Variants in ZPBP observed in about 807,000 individuals in gnomAD.
ZPBP encodes zona pellucida-binding protein 1.
A neutral mutation model predicts 44.8 loss-of-function variants in ZPBP; 26 were observed. The ratio of observed to expected loss-of-function variants is 0.58; its 90% confidence interval spans 0.43 to 0.81. ZPBP has a LOEUF of 0.81. Among genes scored for constraint, ZPBP ranks in the 30% least tolerant of loss-of-function variants. The probability of loss-of-function intolerance (pLI) is 0.00; values close to 1 mark genes in which losing one functional copy is unlikely to be tolerated. For missense variants in ZPBP, 409 were observed against 434.0 expected, an observed-to-expected ratio of 0.94 and a Z score of 0.51; for synonymous variants, 174 against 153.2, an observed-to-expected ratio of 1.14 and a Z score of -1.00.
intron 6 of ZPBP, among the ~76,000 whole-genome samples, chr7:50,009,851 C>G (rs182098124): frequency 1.3e-5 from 2 of 149,164 alleles, no homozygotes; most frequent in African/African-American, 2.4e-5. Context: ...TAATAATGAA[C>G]ATTTGAAAAC....
intron 6 of ZPBP, among the ~76,000 whole-genome samples, chr7:50,003,768 T>C (rs1336684622): frequency 2.6e-5 from 4 of 152,026 alleles, no homozygotes; most frequent in Non-Finnish European, 5.9e-5. Flanking sequence ...AAAGTGGCTA[T>C]TTGTTAAACA....
At chr7:50,006,424 A>G (rs1266075199) in intron 6 of ZPBP, among the ~76,000 whole-genome samples, 1 of 152,112 alleles carries the variant, frequency 6.6e-6, no homozygotes, top group Non-Finnish European at 1.5e-5. Flanking sequence ...AATCTTTTCC[A>G]ATCAATTTTC....
At chr7:49,978,826 G>C (rs908648187) in intron 7 of ZPBP, among the ~76,000 whole-genome samples, 2 of 151,810 alleles carry the variant, frequency 1.3e-5, no homozygotes. Flanking sequence ...TTTTTGAGTA[G>C]TTATATGCTT....
intron 6 of ZPBP, among the ~76,000 whole-genome samples, chr7:49,990,038 A>AAC (rs1423012198): frequency 6.6e-6 from 1 of 152,170 alleles, no homozygotes; most frequent in East Asian, 1.9e-4. Flanking sequence ...GTCCCCCCAA[A>AAC]ACACATTTTT....
intron 6 of ZPBP, 89 bp downstream of exon 6, chr7:50,018,151 G>A (rs1171380665): frequency 9.5e-6 from 9 of 945,430 alleles, no homozygotes; most frequent in East Asian, 4.8e-5. Flanking sequence ...GGGATTCAAC[G>A]TATTTTATAA....
intron 2 of ZPBP, among the ~76,000 whole-genome samples, chr7:49,898,651 C>A (rs1455304881): frequency 6.6e-6 from 1 of 151,834 alleles, no homozygotes; most frequent in Non-Finnish European, 1.5e-5. Flanking sequence ...ATATACATAA[C>A]CTACATAAGC....
At chr7:49,884,260 C>G (rs1380781837) in intron 2 of ZPBP, among the ~76,000 whole-genome samples, 1 of 152,220 alleles carries the variant, frequency 6.6e-6, no homozygotes, top group Non-Finnish European at 1.5e-5. Context: ...CAAATGGGTG[C>G]CAGTGCTATG....
At chr7:49,953,983 G>C (rs939316615) in intron 7 of ZPBP, among the ~76,000 whole-genome samples, 2 of 151,966 alleles carry the variant, frequency 1.3e-5, no homozygotes, top group East Asian at 1.9e-4. Flanking sequence ...GGAATTCAAA[G>C]GGCACTAAAT....
chr7:49,861,664 T>G (rs938743367), intron 2 of ZPBP, among the ~76,000 whole-genome samples: 1 of 152,214 alleles, frequency 6.6e-6, no homozygotes, highest in Non-Finnish European at 1.5e-5. Context: ...TTGAGTTAAT[T>G]TTTGTATATG....
chr7:49,897,381 A>G (rs1792442500), intron 2 of ZPBP, among the ~76,000 whole-genome samples: 1 of 152,214 alleles, frequency 6.6e-6, no homozygotes, highest in African/African-American at 2.4e-5. Context: ...ATACTGCCAC[A>G]AAATTTCTTT....
intron 4 of ZPBP, among the ~76,000 whole-genome samples, chr7:50,036,900 A>T (rs1799853418): frequency 6.6e-6 from 1 of 152,030 alleles, no homozygotes; most frequent in Non-Finnish European, 1.5e-5. Context: ...AAATACAAAA[A>T]ATAATTATAA....
At chr7:49,987,832 TA>T (rs1268080236) in intron 6 of ZPBP, among the ~76,000 whole-genome samples, 1 of 151,962 alleles carries the variant, frequency 6.6e-6, no homozygotes, top group African/African-American at 2.4e-5. Context: ...TTGGATCAAA[TA>T]TTTTTTAAAA....
intron 1 of ZPBP, chr7:49,912,473 C>A (rs1014686754): frequency 2.8e-5 from 7 of 247,072 alleles, no homozygotes; most frequent in Admixed American, 2.0e-4. Context: ...TTTCTATAAT[C>A]CCTCCATTAG....
intron 7 of ZPBP, among the ~76,000 whole-genome samples, chr7:49,967,277 T>C (rs2128767671): frequency 1.3e-5 from 2 of 152,334 alleles, no homozygotes; most frequent in East Asian, 3.9e-4. Flanking sequence ...CCCCTTTCTT[T>C]CTTCTAATTT....
At chr7:50,079,016 T>C (rs1159101868) in intron 3 of ZPBP, among the ~76,000 whole-genome samples, 1 of 151,422 alleles carries the variant, frequency 6.6e-6, no homozygotes, top group Non-Finnish European at 1.5e-5. Flanking sequence ...ACAACCAACA[T>C]CAGGAGTGAA....
intron 6 of ZPBP, among the ~76,000 whole-genome samples, chr7:50,003,288 A>C (rs1257897662): frequency 1.3e-5 from 2 of 152,206 alleles, no homozygotes; most frequent in Non-Finnish European, 2.9e-5. Context: ...ATATGGATTA[A>C]AATGGCTTTG....
chr7:50,044,567 G>A (rs975637541), intron 4 of ZPBP, among the ~76,000 whole-genome samples: 2 of 152,234 alleles, frequency 1.3e-5, no homozygotes, highest in African/African-American at 4.8e-5. Context: ...ACAAAATCTA[G>A]AAGAAATGGA....
intron 6 of ZPBP, among the ~76,000 whole-genome samples, chr7:49,984,494 T>C (rs1797159645): frequency 6.6e-6 from 1 of 152,116 alleles, no homozygotes; most frequent in African/African-American, 2.4e-5. Context: ...ACCAGGGTGG[T>C]AGGATGTTTT....
chr7:49,961,015 C>T (rs2128764404), intron 7 of ZPBP, among the ~76,000 whole-genome samples: 1 of 152,234 alleles, frequency 6.6e-6, no homozygotes, highest in East Asian at 1.9e-4. Context: ...AATATGGATA[C>T]AATTGGCTTA....
Sources: gnomAD v4.1 joint callset for allele counts (sites outside exome capture counted in the v4.1 genomes callset) on GRCh38, gnomAD v4.1.1 for gene constraint, MANE v1.5 for transcripts, NCBI Gene and HGNC (gene_info 2026-07-23, HGNC 2026-07-21) for gene names.